The following UBAC2 variants were observed in gnomAD, a reference collection of about 807,000 sequenced individuals.
UBAC2 encodes ubiquitin-associated domain-containing protein 2.
UBAC2 carries 26 observed loss-of-function variants against 44.0 expected under a neutral mutation model. That is an observed-to-expected ratio of 0.59 (90% CI 0.43 to 0.82). The LOEUF (loss-of-function observed/expected upper bound fraction) is 0.82. Among genes scored for constraint, UBAC2 ranks in the 40% least tolerant of loss-of-function variants. The pLI, the probability that UBAC2 is intolerant of heterozygous loss-of-function variation, is 0.00. For synonymous variants in UBAC2, 155 were observed against 154.3 expected (o/e 1.00, Z -0.04); for missense variants, 329 against 419.4 (o/e 0.78, Z 1.88).
chr13:99,308,676 C>T (rs2044371637), intron 4 of UBAC2: 1 of 152,182 alleles, frequency 6.6e-6, no homozygotes, highest in Non-Finnish European at 1.5e-5. Flanking sequence ...GCTTTTGCCT[C>T]CCACAGATGT....
intron 1 of UBAC2, chr13:99,201,657 A>G: frequency 1.4e-6 from 2 of 1,400,532 alleles, no homozygotes; most frequent in Non-Finnish European, 2.0e-6. Flanking sequence ...CTGCGTGTTA[A>G]CAGTTAGGCA....
At chr13:99,368,723 G>GTGTC (rs1555332931) in intron 8 of UBAC2, among the ~76,000 whole-genome samples, 46 of 148,858 alleles carry the variant, frequency 3.1e-4, no homozygotes, top group Admixed American at 1.9e-3. Context: ...GTGTGTGTGT[G>GTGTC]TGTACACATA....
intron 2 of UBAC2, among the ~76,000 whole-genome samples, chr13:99,242,340 C>T (rs1314232668): frequency 1.3e-5 from 2 of 149,048 alleles, no homozygotes; most frequent in Non-Finnish European, 3.0e-5. Flanking sequence ...CTGACCCCCC[C>T]ACCTCCCTCC....
intron 1 of UBAC2, chr13:99,215,494 TGC>T: frequency 6.9e-7 from 1 of 1,454,576 alleles, no homozygotes; most frequent in Non-Finnish European, 9.6e-7. Flanking sequence ...AATAGCAAGT[TGC>T]AAGTGACGAG....
intron 4 of UBAC2, among the ~76,000 whole-genome samples, chr13:99,253,873 T>C (rs951904070): frequency 1.3e-5 from 2 of 152,348 alleles, no homozygotes; most frequent in South Asian, 4.1e-4. Flanking sequence ...GATATGATCA[T>C]GTTAAGAGTG....
intron 1 of UBAC2, among the ~76,000 whole-genome samples, chr13:99,222,786 G>A (rs909889266): frequency 3.9e-5 from 6 of 152,148 alleles, no homozygotes; most frequent in Non-Finnish European, 7.4e-5. Flanking sequence ...CTGTTAATAC[G>A]TTCATAAAGT....
chr13:99,271,867 G>A (rs1231172331), intron 4 of UBAC2, among the ~76,000 whole-genome samples: 2 of 152,092 alleles, frequency 1.3e-5, no homozygotes, highest in African/African-American at 4.8e-5. Context: ...GCCTGGATTA[G>A]CTTTTATATT....
intron 4 of UBAC2, among the ~76,000 whole-genome samples, chr13:99,244,859 G>A (rs2043363092): frequency 6.7e-6 from 1 of 149,646 alleles, no homozygotes; most frequent in East Asian, 2.0e-4. Flanking sequence ...TTGAGACGGA[G>A]TCTCGCTCTG....
chr13:99,261,518 T>C (rs1247220465), intron 4 of UBAC2: 2 of 152,264 alleles, frequency 1.3e-5, no homozygotes, highest in African/African-American at 4.8e-5. Context: ...CTGTTTGGTT[T>C]CCTAAATTGT....
chr13:99,329,920 G>C (rs1332308171), intron 6 of UBAC2, among the ~76,000 whole-genome samples: 2 of 152,146 alleles, frequency 1.3e-5, no homozygotes, highest in Non-Finnish European at 2.9e-5. Context: ...GTAATTTGTT[G>C]CTCAGTAATC....
chr13:99,214,180 T>C (rs2142663440), intron 1 of UBAC2, among the ~76,000 whole-genome samples: 1 of 152,272 alleles, frequency 6.6e-6, no homozygotes, highest in East Asian at 1.9e-4. Flanking sequence ...GTCCTGCTGT[T>C]TCTTCAATCT....
At chr13:99,234,760 C>T (rs115929404) in intron 1 of UBAC2, among the ~76,000 whole-genome samples, 1 of 152,044 alleles carries the variant, frequency 6.6e-6, no homozygotes, top group Non-Finnish European at 1.5e-5. Flanking sequence ...CATGAAAACA[C>T]AAAGGTGGAA....
chr13:99,358,030 G>A (rs1566520488), intron 7 of UBAC2, among the ~76,000 whole-genome samples: 3 of 152,200 alleles, frequency 2.0e-5, no homozygotes, highest in Admixed American at 1.3e-4. Context: ...AGGCCGGTTA[G>A]CCTGCAAGTG....
At chr13:99,376,496 T>A (rs1167209779) in intron 8 of UBAC2, among the ~76,000 whole-genome samples, 1 of 152,224 alleles carries the variant, frequency 6.6e-6, no homozygotes, top group Non-Finnish European at 1.5e-5. Flanking sequence ...GAGCTGGAGT[T>A]TGCCATTGCC....
chr13:99,238,440 G>T lies in UBAC2; in HGVS notation c.45G>T (p.Leu15=), dbSNP rs988781382. The T allele has an allele frequency of 1.2e-6, 2 of 1,613,518 alleles. No homozygotes were observed. Among genetic ancestry groups the T allele is most frequent in the African/African-American group, 2.7e-5 (2 of 74,910 alleles). The stretch of plus-strand genomic sequence containing the variant: ...TTTTCCCTCCAGACAAGGCGCCTCT[G>T]TCGAAGAGCCTTCTGCTGGTCCCCA... The part of the protein sequence containing the change: ...TGSSGLYKAP[L]SKSLLLVPSA... The change falls in exon 2 of 9, where the codon CTG becomes CTT. Residue 15 remains leucine, a synonymous_variant. Transcript: ENST00000403766.
chr13:99,250,995 T>A (rs1350667720), intron 4 of UBAC2, among the ~76,000 whole-genome samples: 3 of 152,152 alleles, frequency 2.0e-5, no homozygotes, highest in Non-Finnish European at 4.4e-5. Context: ...GTGATCAGCC[T>A]GCCTCGGCCT....
chr13:99,225,288 A>G, intron 1 of UBAC2, among the ~76,000 whole-genome samples: 1 of 152,180 alleles, frequency 6.6e-6, no homozygotes, highest in Non-Finnish European at 1.5e-5. Flanking sequence ...TCCATTAAAC[A>G]ACTTCCCATT....
chr13:99,221,077 A>G (rs1594012461), intron 1 of UBAC2, among the ~76,000 whole-genome samples: 1 of 152,228 alleles, frequency 6.6e-6, no homozygotes, highest in Non-Finnish European at 1.5e-5. Flanking sequence ...TTAATGTTGA[A>G]TATTATCCCA....
Position 99,295,244 on chromosome 13 carries a change from C to T in UBAC2, c.390-18853C>T. On this transcript the variant is annotated intron_variant, in intron 4 of 8. Transcript: ENST00000403766. This position sits in a 1 kb window ranked among gnomAD's most constrained non-coding sequence, Gnocchi z 4.1. Reference sequence around the variant, plus strand: ...GAAGTAGATAAAAGGGTCCATGCAGCAATTGAAGTTCATCAGGCATACTGT... The same window carrying T: ...GAAGTAGATAAAAGGGTCCATGCAGTAATTGAAGTTCATCAGGCATACTGT... The T allele has an allele frequency of 6.2e-7, 1 of 1,614,082 alleles. No homozygotes were observed. The highest frequency in any genetic ancestry group is 8.5e-7 in the Non-Finnish European group (1 of 1,179,996).
Sources: allele counts gnomAD v4.1 joint callset (sites outside exome capture counted in the v4.1 genomes callset), GRCh38; gene constraint gnomAD v4.1.1; non-coding constraint Gnocchi (gnomAD v3.1); transcripts MANE v1.5; gene names NCBI Gene and HGNC (gene_info 2026-07-23, HGNC 2026-07-21).